The following CERT1 variants were observed in gnomAD, a reference collection of about 807,000 sequenced individuals.
The protein encoded by CERT1 is ceramide transfer protein.
Under a neutral mutation model 87.9 loss-of-function variants are expected in CERT1, and 31 were observed. That is an observed-to-expected ratio of 0.35 (90% CI 0.27 to 0.48). The LOEUF (loss-of-function observed/expected upper bound fraction) is 0.48. Among genes scored for constraint, CERT1 ranks in the 20% least tolerant of loss-of-function variants. CERT1 has a pLI of 0.99. For missense variants in CERT1, 487 were observed against 758.0 expected (o/e 0.64, Z 4.20); for synonymous variants, 289 against 250.9 (o/e 1.15, Z -1.44).
At chr5:75,496,852 C>T (rs1365935532) in intron 2 of CERT1, among the ~76,000 whole-genome samples, 1 of 152,098 alleles carries the variant, frequency 6.6e-6, no homozygotes, top group Admixed American at 6.5e-5. Flanking sequence ...ATTTTATATA[C>T]TCATGTGGTA....
chr5:75,463,147 GAC>G (rs1405007118), intron 2 of CERT1, among the ~76,000 whole-genome samples: 1 of 151,850 alleles, frequency 6.6e-6, no homozygotes, highest in African/African-American at 2.4e-5. Context: ...ATAACAGAAA[GAC>G]ACACTATGCC....
At chr5:75,401,830 G>A (rs1762504449) in intron 9 of CERT1, 1 of 152,116 alleles carries the variant, frequency 6.6e-6, no homozygotes, top group African/African-American at 2.4e-5. Flanking sequence ...AAACGAACAA[G>A]CCAACTTTTC....
chr5:75,485,321 A>AAAAAAAAAAAAAAAAAAAAC (rs1766469227), intron 2 of CERT1, among the ~76,000 whole-genome samples: 1 of 147,526 alleles, frequency 6.8e-6, no homozygotes, highest in Non-Finnish European at 1.5e-5. Flanking sequence ...ACAAAAAAAA[A>AAAAAAAAAAAAAAAAAAAAC]AAAAAAAAAA....
chr5:75,434,179 TGTTGAG>T (rs1216392011), intron 3 of CERT1, among the ~76,000 whole-genome samples: 27 of 149,584 alleles, frequency 1.8e-4, no homozygotes, highest in African/African-American at 6.5e-4. Context: ...ATGCCTAGTT[TGTTGAG>T]GTTTTTTTTT....
At chr5:75,400,373 G>A in intron 9 of CERT1, 76 bp from the exon 10 acceptor site, 1 of 989,728 alleles carries the variant, frequency 1.0e-6, no homozygotes, top group South Asian at 1.5e-5. Flanking sequence ...AATATAACCT[G>A]GAACTACCAA....
intron 2 of CERT1, among the ~76,000 whole-genome samples, chr5:75,481,855 A>G (rs1037399843): frequency 6.6e-6 from 1 of 152,176 alleles, no homozygotes; most frequent in Non-Finnish European, 1.5e-5. Context: ...CTACAATGAT[A>G]ATAAAAGAAA....
intron 3 of CERT1, among the ~76,000 whole-genome samples, chr5:75,447,729 C>G (rs937457667): frequency 6.6e-6 from 1 of 152,036 alleles, no homozygotes; most frequent in African/African-American, 2.4e-5. Context: ...CCACCTCAGC[C>G]TCCCAGAGTG....
chr5:75,463,949 T>G (rs1765345719), intron 2 of CERT1, among the ~76,000 whole-genome samples: 1 of 152,108 alleles, frequency 6.6e-6, no homozygotes, highest in African/African-American at 2.4e-5. Context: ...GATGCAGTGA[T>G]CTGGTAAGTT....
chr5:75,460,107 A>C (rs1363204652), intron 2 of CERT1, among the ~76,000 whole-genome samples: 1 of 152,078 alleles, frequency 6.6e-6, no homozygotes, highest in Non-Finnish European at 1.5e-5. Context: ...CCGAGCTAAA[A>C]GCATATATAT....
intron 3 of CERT1, among the ~76,000 whole-genome samples, chr5:75,451,669 T>C (rs1035029530): frequency 6.6e-6 from 1 of 152,192 alleles, no homozygotes; most frequent in Non-Finnish European, 1.5e-5. Context: ...ATATTGATTT[T>C]AAATGGCACA....
intron 17 of CERT1, chr5:75,371,979 T>C (rs1200027280): frequency 6.6e-6 from 1 of 152,220 alleles, no homozygotes; most frequent in African/African-American, 2.4e-5. Context: ...GGATTAACTC[T>C]AGTGAGGTAC....
At position 75,408,782 on chromosome 5, in the gene CERT1, A is replaced by T. The variant is rs534339822; in HGVS notation, c.930+2229T>A. The stretch of plus-strand genomic sequence containing the variant: ...GTGTACTTCCAATGTAAAATAAAAT[A>T]AAAAAAAAAGAAACATGAATATCTG... On this transcript the variant is annotated intron_variant, in intron 8 of 16. Transcript: ENST00000643780. Among the ~76,000 whole-genome samples, 6 of 149,274 alleles carry T rather than the reference A, an allele frequency of 4.0e-5. No homozygotes were observed. In the East Asian group the frequency reaches 6.2e-4, roughly 15 times the overall value.
At chr5:75,384,401 C>G (rs1027410120) in intron 14 of CERT1, among the ~76,000 whole-genome samples, 2 of 152,168 alleles carry the variant, frequency 1.3e-5, no homozygotes, top group African/African-American at 4.8e-5. Flanking sequence ...GGGAACTAAC[C>G]GTTGATCTTT....
At chr5:75,423,332 C>T (rs1763465129) in intron 5 of CERT1, among the ~76,000 whole-genome samples, 1 of 151,542 alleles carries the variant, frequency 6.6e-6, no homozygotes, top group Non-Finnish European at 1.5e-5. Flanking sequence ...AAAAGGTATA[C>T]TTTTTTAATG....
At chr5:75,376,972 A>G (rs1455502595), downstream of CERT1, 2 of 152,242 alleles carry the variant, frequency 1.3e-5, no homozygotes, top group African/African-American at 4.8e-5. Context: ...TCAAGAATAT[A>G]CATTTCTCAG....
At chr5:75,395,873 G>GA in intron 11 of CERT1, among the ~76,000 whole-genome samples, 1 of 151,446 alleles carries the variant, frequency 6.6e-6, no homozygotes, top group East Asian at 1.9e-4. Flanking sequence ...AAACAAAAAT[G>GA]AAAAAACAAA....
At chr5:75,376,444 C>T (rs1457942041), downstream of CERT1, 3 of 152,126 alleles carry the variant, frequency 2.0e-5, no homozygotes, top group African/African-American at 7.2e-5. Flanking sequence ...TAGAGTGAAA[C>T]AGCACCACTT....
intron 2 of CERT1, among the ~76,000 whole-genome samples, chr5:75,498,375 T>C (rs1767176627): frequency 6.6e-6 from 1 of 152,176 alleles, no homozygotes; most frequent in African/African-American, 2.4e-5. Context: ...GAGACCTTCA[T>C]GGCAGCCCCT....
chr5:75,435,985 G>A (rs982578507), intron 3 of CERT1, among the ~76,000 whole-genome samples: 1 of 152,136 alleles, frequency 6.6e-6, no homozygotes, highest in Non-Finnish European at 1.5e-5. Flanking sequence ...ATAGGGGTCT[G>A]TGCATGCATG....
Sources: allele counts gnomAD v4.1 joint callset (sites outside exome capture counted in the v4.1 genomes callset), GRCh38; gene constraint gnomAD v4.1.1; transcripts MANE v1.5; gene names NCBI Gene and HGNC (gene_info 2026-07-23, HGNC 2026-07-21).